The following IGSF5 variants were observed in gnomAD, a reference collection of about 807,000 sequenced individuals.
IGSF5 encodes the protein immunoglobulin superfamily 5 like.
In IGSF5, 41 loss-of-function variants were observed where a neutral mutation model predicts 39.4. That is an observed-to-expected ratio of 1.04 (90% CI 0.81 to 1.35). The LOEUF (loss-of-function observed/expected upper bound fraction) is 1.35, where lower values mean the gene tolerates loss of function less well. Among genes scored for constraint, IGSF5 ranks in the 40% most tolerant of loss-of-function variants. The pLI is 0.00. For synonymous variants in IGSF5, 183 were observed against 175.3 expected (o/e 1.04, Z -0.34); for missense variants, 487 against 494.6 (o/e 0.98, Z 0.15).
At position 39,774,990 on chromosome 21, in the gene IGSF5, A is replaced by T. The variant is rs558521224; in HGVS notation, c.718+3775A>T. Among the ~76,000 whole-genome samples the T allele has an allele frequency of 2.8e-3, 420 of 152,344 alleles. 2 individuals carry two copies. The highest frequency in any genetic ancestry group is 5.1e-3 in the Non-Finnish European group (348 of 68,030). ...TCTCTCCCGGCTGTGGATCAGAGAC[A>T]GCAGAGGAGCCTTCTTTATAAATAT... On this transcript the variant is annotated intron_variant, in intron 4 of 8. Transcript: ENST00000380588.
chr21:39,774,593 C>G (rs540736182), intron 4 of IGSF5, among the ~76,000 whole-genome samples: 1 of 152,194 alleles, frequency 6.6e-6, no homozygotes, highest in Non-Finnish European at 1.5e-5. Flanking sequence ...AGAAATGATA[C>G]AAACCTCGAG....
At chr21:39,757,172 C>A (rs2080035407) in intron 2 of IGSF5, among the ~76,000 whole-genome samples, 1 of 152,172 alleles carries the variant, frequency 6.6e-6, no homozygotes. Flanking sequence ...TTTTCTCTGA[C>A]TACCCTGTTT....
intron 8 of IGSF5, among the ~76,000 whole-genome samples, chr21:39,799,795 C>G (rs1472418972): frequency 6.6e-6 from 1 of 152,032 alleles, no homozygotes; most frequent in Non-Finnish European, 1.5e-5. Flanking sequence ...TTAGATGGGT[C>G]CTAAAGCACA....
At chr21:39,733,655 C>T in the IGSF5 span, among the ~76,000 whole-genome samples, 446 of 152,334 alleles carry the variant, frequency 2.9e-3, 1 homozygote, top group Admixed American at 5.6e-3. Context: ...GAAATGCACT[C>T]TGCCACAGTA....
intron 7 of IGSF5, among the ~76,000 whole-genome samples, chr21:39,792,506 T>G (rs2086971277): frequency 6.6e-6 from 1 of 151,768 alleles, no homozygotes; most frequent in African/African-American, 2.4e-5. Context: ...TGTGCACATG[T>G]ACCCTAGAAC....
intron 4 of IGSF5, among the ~76,000 whole-genome samples, chr21:39,774,763 G>T (rs1041499289): frequency 2.6e-5 from 4 of 152,240 alleles, no homozygotes; most frequent in Non-Finnish European, 5.9e-5. Context: ...TAGGACACAT[G>T]AGCACCTTGT....
chr21:39,737,124 A>G, the IGSF5 span, among the ~76,000 whole-genome samples: 1 of 150,792 alleles, frequency 6.6e-6, no homozygotes, highest in South Asian at 2.1e-4. Flanking sequence ...TGCTTTGTTC[A>G]CCATTTTTCT....
intron 2 of IGSF5, among the ~76,000 whole-genome samples, chr21:39,763,431 G>A (rs2080070525): frequency 6.6e-6 from 1 of 152,184 alleles, no homozygotes; most frequent in South Asian, 2.1e-4. Flanking sequence ...TCCATTTGGT[G>A]TAGCTCCCTC....
intron 2 of IGSF5, among the ~76,000 whole-genome samples, chr21:39,750,640 G>A (rs796905433): frequency 6.6e-6 from 1 of 152,056 alleles, no homozygotes; most frequent in Non-Finnish European, 1.5e-5. Context: ...GAGGGTGGGG[G>A]GTTGGAGCTC....
At chr21:39,780,223 A>G (rs1400660563) in intron 5 of IGSF5, among the ~76,000 whole-genome samples, 2 of 152,236 alleles carry the variant, frequency 1.3e-5, no homozygotes, top group African/African-American at 4.8e-5. Flanking sequence ...ACAATAAAAT[A>G]AAAACCACAA....
rs2080083968 is a variant in IGSF5 at position 39,765,730 on chromosome 21, A to C, written c.296A>C (p.Asp99Ala). ...TNDRFTSQRY[D>A]QGGNFTSEMI... ...GACCGCTTCACCTCTCAGAGGTACGACCAGGGCGGGAACTTCACCTCGGAG... is the reference window on the plus strand; with the variant it reads ...GACCGCTTCACCTCTCAGAGGTACGCCCAGGGCGGGAACTTCACCTCGGAG... The change falls in exon 3 of 9, where the codon GAC becomes GCC. Residue 99 changes from aspartate to alanine, a missense_variant. Coordinates refer to ENST00000380588, the MANE Select transcript of IGSF5 (RefSeq NM_001080444.2). 1 of 1,614,088 alleles carries C rather than the reference A, an allele frequency of 6.2e-7. No individual in the cohort carries two copies. Among genetic ancestry groups the C allele is most frequent in the South Asian group, 1.1e-5 (1 of 91,062 alleles).
intron 2 of IGSF5, among the ~76,000 whole-genome samples, chr21:39,751,656 A>G (rs1175763584): frequency 2.6e-5 from 4 of 152,198 alleles, no homozygotes; most frequent in African/African-American, 9.7e-5. Context: ...ATTAATAGAA[A>G]GTTTTTAAAA....
intron 2 of IGSF5, among the ~76,000 whole-genome samples, chr21:39,755,049 G>A (rs1006185798): frequency 6.6e-6 from 1 of 152,176 alleles, no homozygotes; most frequent in African/African-American, 2.4e-5. Context: ...AGTAAGTTAA[G>A]CAATCTATTC....
intron 5 of IGSF5, among the ~76,000 whole-genome samples, chr21:39,787,552 G>GTTTTTTTTTTTT (rs33925299): frequency 1.7e-5 from 2 of 119,908 alleles, no homozygotes; most frequent in Non-Finnish European, 3.3e-5. Context: ...TAATGACAGT[G>GTTTTTTTTTTTT]TTTTTTTTTT....
upstream of IGSF5, among the ~76,000 whole-genome samples, chr21:39,744,793 G>C (rs1164273327): frequency 6.6e-6 from 1 of 152,238 alleles, no homozygotes; most frequent in African/African-American, 2.4e-5. Context: ...TCACAGCGAA[G>C]TTTCCTCTAA....
chr21:39,735,509 T>G, the IGSF5 span, among the ~76,000 whole-genome samples: 1 of 152,218 alleles, frequency 6.6e-6, no homozygotes, highest in Non-Finnish European at 1.5e-5. Context: ...TTTCTAAATA[T>G]TCTACAGGAA....
At chr21:39,721,724 T>A in the IGSF5 span, among the ~76,000 whole-genome samples, 1 of 134,112 alleles carries the variant, frequency 7.5e-6, no homozygotes, top group African/African-American at 2.9e-5. Context: ...CCTTCCTTCC[T>A]TCCACCCACC....
chr21:39,758,457 A>G (rs892864052), intron 2 of IGSF5, among the ~76,000 whole-genome samples: 2 of 152,036 alleles, frequency 1.3e-5, no homozygotes, highest in Non-Finnish European at 2.9e-5. Flanking sequence ...TCACCTCTTC[A>G]ATTTCTATCT....
intron 5 of IGSF5, among the ~76,000 whole-genome samples, chr21:39,785,853 C>T: frequency 6.6e-6 from 1 of 152,138 alleles, no homozygotes; most frequent in Non-Finnish European, 1.5e-5. Context: ...ATTTGGCTCT[C>T]TGTTTGTCTG....
Sources: allele counts gnomAD v4.1 joint callset (sites outside exome capture counted in the v4.1 genomes callset), GRCh38; gene constraint gnomAD v4.1.1; transcripts MANE v1.5; gene names NCBI Gene and HGNC (gene_info 2026-07-23, HGNC 2026-07-21).